Variants in SOX6 observed in about 807,000 individuals in gnomAD.
SOX6 encodes the protein transcription factor SOX-6.
Under a neutral mutation model 97.8 loss-of-function variants are expected in SOX6, and 11 were observed. The ratio of observed to expected loss-of-function variants is 0.11; its 90% CI spans 0.07 to 0.19. The LOEUF is 0.19. Among genes scored for constraint, SOX6 ranks in the 10% least tolerant of loss-of-function variants. The pLI is 1.00. For synonymous variants in SOX6, 360 were observed against 371.4 expected (o/e 0.97, Z 0.35); for missense variants, 810 against 1,039.5 (o/e 0.78, Z 3.04).
intron 1 of SOX6, among the ~76,000 whole-genome samples, chr11:16,366,114 A>T (rs921359766): frequency 6.6e-6 from 1 of 152,142 alleles, no homozygotes; most frequent in Non-Finnish European, 1.5e-5. Context: ...GGAATAGTAC[A>T]GTGAGGGGCA....
chr11:16,411,001 A>G (rs2133055769), intron 1 of SOX6, among the ~76,000 whole-genome samples: 1 of 151,996 alleles, frequency 6.6e-6, no homozygotes, highest in African/African-American at 2.4e-5. Context: ...AAAAAAAGAA[A>G]AAGAAAAATC....
In SOX6 at chr11:16,186,840, C is replaced by T. The variant is rs75802585; in HGVS notation, c.651G>A (p.Ala217=). The change falls in exon 5 of 16, where the codon GCG becomes GCA. Residue 217 remains alanine (A), a synonymous_variant. Transcript: ENST00000683767. The part of the protein sequence containing the change: ...AAHDEQKKLA[A]SQIEKQRQQM... ...GCTGCCGTTGTTTCTCAATTTGTGA[C>T]GCTGCCAGTTTTTTCTGTTCATCAT... is the stretch of plus-strand genomic sequence containing the variant. 480 of 1,613,730 alleles carry T rather than the reference C, an allele frequency of 3.0e-4. 1 individual carries two copies. In the African/African-American group the frequency reaches 5.7e-3, roughly 19 times the overall value.
At chr11:16,428,174 G>T (rs1281833312) in intron 1 of SOX6, among the ~76,000 whole-genome samples, 1 of 151,836 alleles carries the variant, frequency 6.6e-6, no homozygotes, top group Non-Finnish European at 1.5e-5. Context: ...TTTTGATGGG[G>T]TTGTTTTTTT....
At chr11:16,089,480 T>C (rs1848639536) in intron 9 of SOX6, among the ~76,000 whole-genome samples, 1 of 152,158 alleles carries the variant, frequency 6.6e-6, no homozygotes, top group African/African-American at 2.4e-5. Context: ...GAATCCTTTA[T>C]TAATGCCATT....
chr11:16,524,241 C>T (rs568607556), intron 4 of SOX6, among the ~76,000 whole-genome samples: 3 of 151,806 alleles, frequency 2.0e-5, no homozygotes, highest in Non-Finnish European at 2.9e-5. Context: ...AAAATACTGG[C>T]AAACCGAATC....
chr11:16,358,003 G>A (rs1382505720), upstream of SOX6, among the ~76,000 whole-genome samples: 1 of 152,176 alleles, frequency 6.6e-6, no homozygotes, highest in East Asian at 1.9e-4. Context: ...GTTACAACAA[G>A]AAAGATCGTG....
At chr11:16,286,332 C>T (rs1368008185) in intron 3 of SOX6, among the ~76,000 whole-genome samples, 2 of 151,996 alleles carry the variant, frequency 1.3e-5, no homozygotes, top group Non-Finnish European at 2.9e-5. Flanking sequence ...TGCTGACTTC[C>T]CAACAGGCAG....
chr11:16,480,645 A>ACC (rs11343081), upstream of SOX6, among the ~76,000 whole-genome samples: 998 of 148,140 alleles, frequency 6.7e-3, 3 homozygotes, highest in Admixed American at 8.1e-3. Flanking sequence ...GTTTTTAGTA[A>ACC]CCCCCCCCCC....
chr11:16,247,223 T>C (rs1853363439), intron 3 of SOX6, among the ~76,000 whole-genome samples: 1 of 152,218 alleles, frequency 6.6e-6, no homozygotes, highest in Non-Finnish European at 1.5e-5. Context: ...ATCCATGTTG[T>C]TGTAAACAAC....
At chr11:16,299,818 T>C (rs1444791717) in intron 3 of SOX6, among the ~76,000 whole-genome samples, 1 of 152,090 alleles carries the variant, frequency 6.6e-6, no homozygotes, top group South Asian at 2.1e-4. Flanking sequence ...GGGGGAGATA[T>C]CCACAAAACA....
At chr11:16,620,337 AAG>A (rs1296751841) in intron 3 of SOX6, among the ~76,000 whole-genome samples, 1 of 152,230 alleles carries the variant, frequency 6.6e-6, no homozygotes, top group Non-Finnish European at 1.5e-5. Context: ...CAAAGCCAAT[AAG>A]AGATTTAATG....
chr11:16,082,467 T>C (rs979460830), intron 9 of SOX6, among the ~76,000 whole-genome samples: 1 of 152,210 alleles, frequency 6.6e-6, no homozygotes, highest in Non-Finnish European at 1.5e-5. Flanking sequence ...TCAAGGCCCA[T>C]TCACTGAGAA....
At position 16,692,086 on chromosome 11, in the gene SOX6, TGTGCGCGC is replaced by T. The variant is rs765122583; in HGVS notation, n.429+22736_429+22743del. 1.3e-3 allele frequency among the ~76,000 whole-genome samples: 173 copies of T among 128,252 alleles called. 1 individual carries two copies. Among genetic ancestry groups the T allele is most frequent in the African/African-American group, 2.6e-3 (89 of 33,920 alleles). The allele number at this position is 128,252 out of a possible 152,430, so 84.1% of individuals were successfully genotyped here. A position where few individuals can be genotyped will look rare whatever the true frequency, so the allele number is the denominator to read the frequency against. ...GTGTGTGTGTGTGTGTGTGTGTGTG[TGTGCGCGC>T]GCGCGCTTTCTGAGTCTTGCTCTGT... On this transcript the variant is annotated intron_variant and non_coding_transcript_variant, in intron 3 of 5. Coordinates refer to the SOX6 transcript ENST00000524520.
At chr11:16,166,794 A>T (rs1163574146) in intron 6 of SOX6, among the ~76,000 whole-genome samples, 1 of 152,142 alleles carries the variant, frequency 6.6e-6, no homozygotes, top group Admixed American at 6.5e-5. Context: ...ATGTGAGGAA[A>T]ATGGGTATTC....
intron 3 of SOX6, among the ~76,000 whole-genome samples, chr11:16,309,918 C>T (rs1009257355): frequency 6.6e-6 from 1 of 152,068 alleles, no homozygotes. Context: ...GAGACTATAA[C>T]TTATTTCATA....
intron 1 of SOX6, among the ~76,000 whole-genome samples, chr11:16,374,922 A>T (rs895796368): frequency 6.6e-6 from 1 of 152,030 alleles, no homozygotes; most frequent in African/African-American, 2.4e-5. Flanking sequence ...GTTATTATTG[A>T]CATTTCTATA....
At chr11:16,027,285 T>C (rs1855240281) in intron 12 of SOX6, among the ~76,000 whole-genome samples, 1 of 152,190 alleles carries the variant, frequency 6.6e-6, no homozygotes, top group Admixed American at 6.5e-5. Context: ...TCATTTTTAG[T>C]TATAAGGTAA....
chr11:16,697,870 C>T (rs1848065728), intron 3 of SOX6, among the ~76,000 whole-genome samples: 2 of 152,250 alleles, frequency 1.3e-5, no homozygotes, highest in South Asian at 2.1e-4. Context: ...TTTTCTGAGC[C>T]GTAGTTCTCA....
intron 4 of SOX6, among the ~76,000 whole-genome samples, chr11:16,537,162 C>A (rs1043224676): frequency 1.3e-5 from 2 of 152,196 alleles, no homozygotes; most frequent in African/African-American, 4.8e-5. Context: ...CTGCACCCAC[C>A]GTTGGTGATA....
Sources: gnomAD v4.1 joint callset for allele counts (sites outside exome capture counted in the v4.1 genomes callset) on GRCh38, gnomAD v4.1.1 for gene constraint, MANE v1.5 for transcripts, NCBI Gene and HGNC (gene_info 2026-07-23, HGNC 2026-07-21) for gene names.